CSAD: variants seen among roughly 807,000 people sequenced by gnomAD.
CSAD encodes the protein cysteine sulfinic acid decarboxylase.
A neutral mutation model predicts 61.5 loss-of-function variants in CSAD; 47 were observed. That is an observed-to-expected ratio of 0.76 (90% confidence interval 0.60 to 0.97). The LOEUF is 0.97. Among genes scored for constraint, CSAD ranks in the 50% least tolerant of loss-of-function variants. The probability of loss-of-function intolerance (pLI) is 0.00; values close to 1 mark genes in which losing one functional copy is unlikely to be tolerated. For synonymous variants in CSAD, 245 were observed against 252.7 expected (o/e 0.97, Z 0.29); for missense variants, 611 against 643.6 (o/e 0.95, Z 0.55).
intron 12 of CSAD, 135 bp downstream of exon 12, chr12:53,160,992 G>T: frequency 8.8e-7 from 1 of 1,141,126 alleles, no homozygotes; most frequent in Non-Finnish European, 1.3e-6. Flanking sequence ...TGACCTCCCA[G>T]CTCCAATCAA....
At chr12:53,173,037 G>A (rs1279140389) in intron 4 of CSAD, among the ~76,000 whole-genome samples, 2 of 152,024 alleles carry the variant, frequency 1.3e-5, no homozygotes, top group African/African-American at 4.8e-5. Context: ...GTGAAACCCC[G>A]TCTCTACTAA....
chr12:53,180,485 G>A (rs1191882390), intron 1 of CSAD: 2 of 1,219,812 alleles, frequency 1.6e-6, no homozygotes, highest in Non-Finnish European at 2.1e-6. Flanking sequence ...GATGGCGGCC[G>A]GGGCGCGCCC....
In CSAD at chr12:53,180,868, G is replaced by A. The variant is rs1032383907; in HGVS notation, c.-227C>T. The A allele has an allele frequency of 3.1e-5, 38 of 1,245,674 alleles. No individual in the cohort carries two copies. The highest frequency in any genetic ancestry group is 2.7e-4 in the Middle Eastern group (1 of 3,708). The allele number at this position is 1,245,674 out of a possible 1,614,324, so 77.2% of individuals were successfully genotyped here. A position where few individuals can be genotyped will look rare whatever the true frequency, so the allele number is the denominator to read the frequency against. On this transcript the variant is annotated 5_prime_UTR_variant, in exon 1 of 17. The change creates a new upstream start codon in the 5' untranslated region. Transcript: ENST00000444623. ...AGCAAGCCCCAAAGACCGCAGCGTC[G>A]TCCGTACAGACGGCAGCGCTTCAGT...
chr12:53,160,121 G>A lies in CSAD; in HGVS notation c.1165C>T (p.Arg389Trp), dbSNP rs143579397. 112 of 1,612,944 alleles carry A rather than the reference G, an allele frequency of 6.9e-5. 1 individual carries two copies. The African/African-American group carries it at 8.8e-4, about 13-fold the overall frequency. ...GACCCCCCACCTCCTCCCGCCTACCGGGCAAGGACAAAGGCCTGGTCGATG... is the reference window on the plus strand; with the variant it reads ...GACCCCCCACCTCCTCCCGCCTACCAGGCAAGGACAAAGGCCTGGTCGATG... ...RRIDQAFVLA[R>W]YLVEEMKKRE... Residue 389 changes from arginine (R) to tryptophan (W), a missense_variant and splice_region_variant, in exon 14 of 17, where the codon CGG (arginine) becomes TGG (tryptophan). Physicochemically the swap from Arg to Trp is moderately radical, Grantham distance 101 (BLOSUM62 -3). Transcript: ENST00000444623.
At chr12:53,164,793 C>G (rs1415922160) in intron 10 of CSAD, 2 of 152,150 alleles carry the variant, frequency 1.3e-5, no homozygotes, top group Non-Finnish European at 2.9e-5. Context: ...AATCATATAT[C>G]TGATAAGGGA....
At chr12:53,165,876 A>G (rs1439282571) in intron 10 of CSAD, among the ~76,000 whole-genome samples, 1 of 152,176 alleles carries the variant, frequency 6.6e-6, no homozygotes, top group Non-Finnish European at 1.5e-5. Context: ...CAGGGTCTCA[A>G]AGAGATTCCA....
At chr12:53,168,891 C>T (rs1301509192) in intron 10 of CSAD, among the ~76,000 whole-genome samples, 1 of 151,996 alleles carries the variant, frequency 6.6e-6, no homozygotes, top group Non-Finnish European at 1.5e-5. Context: ...TTTTTTAAAA[C>T]ATTTATGGCC....
intron 10 of CSAD, among the ~76,000 whole-genome samples, chr12:53,167,246 G>T (rs921411494): frequency 1.3e-5 from 2 of 152,298 alleles, no homozygotes; most frequent in South Asian, 2.1e-4. Flanking sequence ...CCAGGCAAAG[G>T]GGGGAAGCTG....
chr12:53,166,180 A>G (rs2121464715), intron 10 of CSAD: 1 of 152,054 alleles, frequency 6.6e-6, no homozygotes, highest in South Asian at 2.1e-4. Context: ...AATACAAAAA[A>G]TTAGCTGGGC....
chr12:53,181,177 C>T (rs999401383), upstream of CSAD: 5 of 985,236 alleles, frequency 5.1e-6, no homozygotes, highest in Admixed American at 3.1e-4. Flanking sequence ...CGACACGCCG[C>T]GCCGGGCTTC....
In CSAD at chr12:53,173,716, A is replaced by G. The variant is rs1940863583; in HGVS notation, c.-7+12T>C. 1 of 1,597,628 alleles carries G rather than the reference A, an allele frequency of 6.3e-7. No homozygotes were observed. The highest frequency in any genetic ancestry group is 1.1e-5 in the South Asian group (1 of 90,430). On this transcript the variant is annotated intron_variant, in intron 3 of 16. Transcript: ENST00000444623. ...TAGTGGCCATTTCCACCTAAGGCAG[A>G]GACAAGCTTACCTCTCTGCTCAGGA...
Position 53,160,016 on chromosome 12 carries a change from CCA to C in CSAD, c.1167-80_1167-79del, listed in dbSNP as rs1939078485. ...ACAGAAGAGGCCCACGTAGAATGAG[CCA>C]CAGAGAGACCGAGAGAAAAGTAATC... On this transcript the variant is annotated intron_variant, in intron 14 of 16. Coordinates refer to ENST00000444623, the MANE Select transcript of CSAD (RefSeq NM_001244705.2). 8 of 1,598,058 alleles carry C rather than the reference CCA, an allele frequency of 5.0e-6. No individual in the cohort carries two copies. The East Asian group carries it at 1.8e-4, about 36-fold the overall frequency.
At chr12:53,176,165 C>T (rs748153410) in intron 2 of CSAD, among the ~76,000 whole-genome samples, 5 of 152,080 alleles carry the variant, frequency 3.3e-5, no homozygotes, top group Non-Finnish European at 5.9e-5. Context: ...CTTGGGAGGC[C>T]GAGGCAGGTG....
Position 53,163,891 on chromosome 12 carries a change from T to C in CSAD, c.703-2502A>G, listed in dbSNP as rs569579227. On this transcript the variant is annotated intron_variant, in intron 10 of 16. Transcript: ENST00000444623. ...AAGCTACAGCTGAATCAAGACAATG[T>C]AGTCTACAGGATAGACATGTAGATC... Among the ~76,000 whole-genome samples, 5 of 152,352 alleles carry C rather than the reference T, an allele frequency of 3.3e-5. No homozygotes were observed. In the South Asian group the frequency reaches 8.3e-4, roughly 25 times the overall value.
intron 10 of CSAD, among the ~76,000 whole-genome samples, chr12:53,164,974 C>A (rs1939723549): frequency 6.6e-6 from 1 of 152,128 alleles, no homozygotes; most frequent in Admixed American, 6.5e-5. Context: ...AAATACAAAT[C>A]AAAACTACAA....
chr12:53,173,576 TGCA>T, intron 3 of CSAD, 100 bp from the exon 4 acceptor site: 1 of 1,597,308 alleles, frequency 6.3e-7, no homozygotes, highest in Non-Finnish European at 8.6e-7. Flanking sequence ...GCCCAAACCC[TGCA>T]GCTCAGTCTC....
intron 11 of CSAD, 27 bp downstream of exon 11, chr12:53,161,246 G>C (rs768821177): frequency 6.2e-7 from 1 of 1,612,780 alleles, no homozygotes; most frequent in Admixed American, 1.7e-5. Flanking sequence ...CCACCCCACC[G>C]CACCCCCAAG....
At chr12:53,159,751 A>T (rs2121377222) in intron 15 of CSAD, 39 bp from the exon 16 acceptor site, 1 of 1,567,538 alleles carries the variant, frequency 6.4e-7, no homozygotes, top group African/African-American at 1.3e-5. Flanking sequence ...GAGCTGAGAA[A>T]GGGGGACCGT....
intron 16 of CSAD, 93 bp downstream of exon 16, chr12:53,159,530 G>C: frequency 9.8e-7 from 1 of 1,023,490 alleles, no homozygotes; most frequent in Non-Finnish European, 1.5e-6. Context: ...CCAGCAAGGA[G>C]ACCTGCCATG....
Sources: gnomAD v4.1 joint callset for allele counts (sites outside exome capture counted in the v4.1 genomes callset) on GRCh38, gnomAD v4.1.1 for gene constraint, MANE v1.5 for transcripts, NCBI Gene and HGNC (gene_info 2026-07-23, HGNC 2026-07-21) for gene names.